PMFBP1: variants seen among roughly 807,000 people sequenced by gnomAD.
PMFBP1 encodes polyamine modulated factor 1 binding protein 1.
A neutral mutation model predicts 137.8 loss-of-function variants in PMFBP1; 131 were observed. That is an observed-to-expected ratio of 0.95 (90% CI 0.82 to 1.10). The LOEUF is 1.10. PMFBP1 is among the 50% of genes least tolerant of loss of function. The pLI is 0.00. For missense variants in PMFBP1, 1,199 were observed against 1,175.4 expected, an observed-to-expected ratio of 1.02 and a Z score of -0.29; for synonymous variants, 490 against 450.4, an observed-to-expected ratio of 1.09 and a Z score of -1.11.
the PMFBP1 span, among the ~76,000 whole-genome samples, chr16:72,238,927 T>C: frequency 1.3e-5 from 2 of 152,042 alleles, no homozygotes; most frequent in Non-Finnish European, 2.9e-5. Flanking sequence ...CTAAAATGCA[T>C]AGGACAGCCC....
chr16:72,207,739 T>C, the PMFBP1 span, among the ~76,000 whole-genome samples: 1 of 151,754 alleles, frequency 6.6e-6, no homozygotes, highest in Non-Finnish European at 1.5e-5. Context: ...TGTGTGTGTG[T>C]GTGCATATTG....
At chr16:72,141,316 CTTG>C (rs757390208) in intron 5 of PMFBP1, among the ~76,000 whole-genome samples, 2 of 152,138 alleles carry the variant, frequency 1.3e-5, no homozygotes, top group Non-Finnish European at 2.9e-5. Context: ...CATATTGTTA[CTTG>C]TTGATCTATC....
At chr16:72,224,131 C>A in the PMFBP1 span, among the ~76,000 whole-genome samples, 2 of 152,170 alleles carry the variant, frequency 1.3e-5, no homozygotes, top group Non-Finnish European at 2.9e-5. Context: ...CTGCTGATGG[C>A]AACACTTGAG....
At chr16:72,208,422 T>C in the PMFBP1 span, among the ~76,000 whole-genome samples, 1 of 152,274 alleles carries the variant, frequency 6.6e-6, no homozygotes, top group East Asian at 1.9e-4. Flanking sequence ...GATGCTTTTA[T>C]GCTAATCCAT....
At position 72,123,658 on chromosome 16, in the gene PMFBP1, C is replaced by T. The variant is rs779830532; in HGVS notation, c.2590-9G>A. 3.7e-6 allele frequency: 6 copies of T among 1,611,802 alleles called. No individual in the cohort carries two copies. Among genetic ancestry groups the T allele is most frequent in the South Asian group, 2.2e-5 (2 of 90,850 alleles). ...TGGGGCAGGCAGCAGGGCTTGGGTA[C>T]AAGAAGAAAACGAGACAGTCAGAGG... On this transcript the variant is annotated splice_polypyrimidine_tract_variant and intron_variant, in intron 17 of 20. Coordinates refer to ENST00000237353, the MANE Select transcript of PMFBP1 (RefSeq NM_031293.3).
At chr16:72,243,596 C>A in the PMFBP1 span, among the ~76,000 whole-genome samples, 3 of 151,982 alleles carry the variant, frequency 2.0e-5, no homozygotes, top group Admixed American at 6.6e-5. Flanking sequence ...CCTCTTTTTG[C>A]CCCTCTTAAT....
the PMFBP1 span, among the ~76,000 whole-genome samples, chr16:72,198,945 A>C: frequency 6.6e-6 from 1 of 152,030 alleles, no homozygotes; most frequent in Non-Finnish European, 1.5e-5. Context: ...GGACAGTCTC[A>C]AGTTAGCAGC....
At chr16:72,209,251 G>A in the PMFBP1 span, among the ~76,000 whole-genome samples, 1 of 152,320 alleles carries the variant, frequency 6.6e-6, no homozygotes, top group East Asian at 1.9e-4. Flanking sequence ...CAGGTAGGTT[G>A]GCTTTGCATG....
the PMFBP1 span, among the ~76,000 whole-genome samples, chr16:72,211,234 G>T: frequency 6.6e-6 from 1 of 152,256 alleles, no homozygotes; most frequent in Admixed American, 6.5e-5. Context: ...TGGTCAAAAG[G>T]CTTGGATAAA....
upstream of PMFBP1, among the ~76,000 whole-genome samples, chr16:72,172,860 G>A (rs2043234187): frequency 6.6e-6 from 1 of 152,154 alleles, no homozygotes; most frequent in African/African-American, 2.4e-5. Context: ...CATGCTGTTG[G>A]AAAAATGGCG....
chr16:72,170,882 T>C (rs1474652694), intron 2 of PMFBP1, among the ~76,000 whole-genome samples: 2 of 152,226 alleles, frequency 1.3e-5, no homozygotes, highest in African/African-American at 4.8e-5. Flanking sequence ...ACCAAGTCTT[T>C]GGAATAGGTG....
intron 2 of PMFBP1, among the ~76,000 whole-genome samples, chr16:72,167,187 G>A (rs2043157290): frequency 6.6e-6 from 1 of 152,230 alleles, no homozygotes; most frequent in Non-Finnish European, 1.5e-5. Flanking sequence ...GAGGACAACG[G>A]TGAGAATTGG....
chr16:72,227,282 G>A, the PMFBP1 span, among the ~76,000 whole-genome samples: 1 of 152,216 alleles, frequency 6.6e-6, no homozygotes, highest in African/African-American at 2.4e-5. Context: ...TCTGAAAGAT[G>A]TGTTAAAGAG....
chr16:72,137,275 T>A (rs1047559932), intron 7 of PMFBP1, among the ~76,000 whole-genome samples: 1 of 152,160 alleles, frequency 6.6e-6, no homozygotes, highest in Non-Finnish European at 1.5e-5. Context: ...CATGGCTCCA[T>A]TAATATTTTC....
the PMFBP1 span, among the ~76,000 whole-genome samples, chr16:72,225,930 C>G: frequency 1.4e-4 from 16 of 111,314 alleles, no homozygotes; most frequent in Non-Finnish European, 2.7e-4. Context: ...CATGCACACT[C>G]ACAGACACAC....
the PMFBP1 span, among the ~76,000 whole-genome samples, chr16:72,188,221 A>G: frequency 6.6e-6 from 1 of 152,212 alleles, no homozygotes; most frequent in Non-Finnish European, 1.5e-5. Flanking sequence ...GAGGTGAGAG[A>G]TTTTTCCAAG....
chr16:72,194,252 C>CT, the PMFBP1 span, among the ~76,000 whole-genome samples: 1 of 151,992 alleles, frequency 6.6e-6, no homozygotes, highest in Non-Finnish European at 1.5e-5. Flanking sequence ...CTTTATTTTT[C>CT]TTTTTTAAAG....
chr16:72,143,309 A>G (rs1420999042), intron 5 of PMFBP1, among the ~76,000 whole-genome samples: 2 of 152,242 alleles, frequency 1.3e-5, no homozygotes, highest in African/African-American at 4.8e-5. Flanking sequence ...ATGCTGGTCA[A>G]TACGATAAGA....
chr16:72,189,056 T>C, the PMFBP1 span, among the ~76,000 whole-genome samples: 20 of 151,980 alleles, frequency 1.3e-4, no homozygotes, highest in South Asian at 2.7e-3. Context: ...ATACTTTTAG[T>C]GTTGACTTTT....
Sources: gnomAD v4.1 joint callset for allele counts (sites outside exome capture counted in the v4.1 genomes callset) on GRCh38, gnomAD v4.1.1 for gene constraint, MANE v1.5 for transcripts, NCBI Gene and HGNC (gene_info 2026-07-23, HGNC 2026-07-21) for gene names.